IL3RA: variants seen among roughly 807,000 people sequenced by gnomAD.
IL3RA encodes the protein interleukin 3 receptor subunit alpha, also known as interleukin-3 receptor subunit alpha.
IL3RA carries 73 observed loss-of-function variants against 52.3 expected under a neutral mutation model. The observed-to-expected ratio is 1.40, with a 90% CI of 1.16 to 1.70. The LOEUF is 1.70. Ranked by LOEUF, IL3RA falls within the 40% of genes most tolerant of loss-of-function variation. The pLI, the probability that IL3RA is intolerant of heterozygous loss-of-function variation, is 0.00. For missense variants in IL3RA, 664 were observed against 504.4 expected, an observed-to-expected ratio of 1.32 and a Z score of -3.03; for synonymous variants, 260 against 194.0, an observed-to-expected ratio of 1.34 and a Z score of -2.83.
chrX:1,352,414 G>T lies in IL3RA; in HGVS notation c.524G>T (p.Ser175Ile). 1 of 1,613,866 alleles carries T rather than the reference G, an allele frequency of 6.2e-7. No homozygotes were observed. The highest frequency in any genetic ancestry group is 8.5e-7 in the Non-Finnish European group (1 of 1,179,854). The change falls in exon 6 of 12, where the codon AGC (serine) becomes ATC (isoleucine). Residue 175 changes from serine (S) to isoleucine (I), a missense_variant. Physicochemically the swap from Ser to Ile is moderately radical, Grantham distance 142. Coordinates refer to ENST00000331035, the MANE Select transcript of IL3RA (RefSeq NM_002183.4). ...TTCGATGACATCTCTCGACTCTCCA[G>T]CGGTTCTCAAAGTTCCCACATCCTG... is the stretch of plus-strand genomic sequence containing the variant. ...CRFDDISRLS[S>I]GSQSSHILVR...
chrX:1,347,649 C>G (rs1157862866), intron 3 of IL3RA, among the ~76,000 whole-genome samples: 2 of 151,536 alleles, frequency 1.3e-5, no homozygotes, highest in East Asian at 1.9e-4. Context: ...AAAAAACAAA[C>G]AAACAAGAAA....
chrX:1,368,579 T>C (rs2088364207), intron 9 of IL3RA, among the ~76,000 whole-genome samples: 1 of 151,814 alleles, frequency 6.6e-6, no homozygotes, highest in Non-Finnish European at 1.5e-5. Context: ...GTGTTTGGAG[T>C]TGGGGTGTTT....
At chrX:1,349,222 A>C (rs1210425910) in intron 4 of IL3RA, among the ~76,000 whole-genome samples, 10 of 145,968 alleles carry the variant, frequency 6.9e-5, no homozygotes, top group African/African-American at 1.5e-4. Context: ...CACTCTGTCC[A>C]CCAGGCTGGA....
At chrX:1,364,384 G>A (rs1178605824) in intron 8 of IL3RA, among the ~76,000 whole-genome samples, 3 of 151,920 alleles carry the variant, frequency 2.0e-5, no homozygotes, top group Non-Finnish European at 2.9e-5. Context: ...CCAGCTACTC[G>A]GGAGGCTGAG....
In IL3RA at chrX:1,348,684, T is replaced by TTCTTTC. The variant is rs1556619144; in HGVS notation, c.298+141_298+146dup. On this transcript the variant is annotated intron_variant, in intron 4 of 11. Coordinates refer to ENST00000331035, the MANE Select transcript of IL3RA (RefSeq NM_002183.4). ...TTTCTTTCTTTCTTTCTTTCTTTCT[T>TTCTTTC]TCTTTCTTTTTCTTTCTTTCTGTTT... 1,956 of 272,608 alleles carry TTCTTTC rather than the reference T, an allele frequency of 7.2e-3. 111 individuals carry two copies. The highest frequency in any genetic ancestry group is 9.5e-3 in the Non-Finnish European group (1,382 of 145,384). The allele number at this position is 272,608 out of a possible 1,614,324, so 16.9% of individuals were successfully genotyped here.
At chrX:1,349,548 G>C (rs1256172212) in intron 4 of IL3RA, among the ~76,000 whole-genome samples, 1 of 152,160 alleles carries the variant, frequency 6.6e-6, no homozygotes, top group African/African-American at 2.4e-5. Context: ...CTAGGCTCAA[G>C]TGATCCTCCC....
At chrX:1,378,182 CAAAAAAAAA>C (rs370693489) in intron 9 of IL3RA, among the ~76,000 whole-genome samples, 1 of 86,306 alleles carries the variant, frequency 1.2e-5, no homozygotes, top group Non-Finnish European at 2.5e-5. Context: ...GACTCCATCT[CAAAAAAAAA>C]AAAAAAAGAA....
intron 9 of IL3RA, among the ~76,000 whole-genome samples, chrX:1,370,818 A>G (rs1419313480): frequency 2.5e-5 from 2 of 80,036 alleles, no homozygotes; most frequent in Non-Finnish European, 4.6e-5. Flanking sequence ...CAGGGAGAAG[A>G]CGGCATCTCC....
intron 1 of IL3RA, among the ~76,000 whole-genome samples, 198 bp from the exon 2 acceptor site, chrX:1,341,527 TGTA>T (rs1476265495): frequency 1.7e-5 from 2 of 117,442 alleles, no homozygotes; most frequent in African/African-American, 3.0e-5. Flanking sequence ...CGTGCACACA[TGTA>T]GAAGCACACT....
chrX:1,368,479 G>A lies in IL3RA; in HGVS notation c.874+3227G>A, dbSNP rs192142132. On this transcript the variant is annotated intron_variant, in intron 9 of 11. Coordinates refer to ENST00000331035, the MANE Select transcript of IL3RA (RefSeq NM_002183.4). ...CTTAAGCCTGTAACCTCAGCTACCA[G>A]GGAGGCTGAGGCAGGAGAATCGCTT... Among the ~76,000 whole-genome samples the A allele has an allele frequency of 3.3e-5, 5 of 152,224 alleles. No homozygotes were observed. In the East Asian group the frequency reaches 7.7e-4, roughly 24 times the overall value.
chrX:1,341,503 CACACACGAATAT>C (rs1420046348), intron 1 of IL3RA, among the ~76,000 whole-genome samples: 1 of 151,812 alleles, frequency 6.6e-6, no homozygotes, highest in East Asian at 1.9e-4. Flanking sequence ...CCCATGTACA[CACACACGAATAT>C]TCGTGCACAC....
chrX:1,351,895 G>T (rs1311457959), intron 4 of IL3RA, among the ~76,000 whole-genome samples: 3 of 152,222 alleles, frequency 2.0e-5, no homozygotes, highest in Admixed American at 6.5e-5. Context: ...CTCCCAAAGT[G>T]CTGGGATCAC....
chrX:1,364,836 TCTCA>T (rs1459594556), intron 8 of IL3RA, among the ~76,000 whole-genome samples: 1 of 151,150 alleles, frequency 6.6e-6, no homozygotes, highest in Non-Finnish European at 1.5e-5. Context: ...AGAGACAGAG[TCTCA>T]CTCTGTTGCC....
chrX:1,380,611 G>T (rs1185544904), intron 10 of IL3RA, among the ~76,000 whole-genome samples: 4 of 24,818 alleles, frequency 1.6e-4, no homozygotes, highest in Non-Finnish European at 2.1e-4. Context: ...GAGAGGGGAG[G>T]ATGAGTGGGG....
Position 1,345,315 on chromosome X carries a change from G to A in IL3RA, c.65-1G>A. On this transcript the variant is annotated splice_acceptor_variant, in intron 2 of 11. Transcript: ENST00000331035. LOFTEE classifies it high-confidence loss of function. ...CGAACTCCAACCTGTCACCGTTTTA[G>A]ATCCAAACCCACCAATCACGAACCT... 2 of 1,605,808 alleles carry A rather than the reference G, an allele frequency of 1.2e-6. No individual in the cohort carries two copies. Among genetic ancestry groups the A allele is most frequent in the Non-Finnish European group, 1.7e-6 (2 of 1,174,920 alleles).
chrX:1,341,684 T>C, intron 1 of IL3RA, 44 bp from the exon 2 acceptor site: 2 of 1,529,056 alleles, frequency 1.3e-6, no homozygotes, highest in South Asian at 2.2e-5. Flanking sequence ...CGCAACCCAG[T>C]TTCACAGCCA....
intron 7 of IL3RA, among the ~76,000 whole-genome samples, chrX:1,357,556 G>C (rs1287551637): frequency 6.7e-6 from 1 of 150,340 alleles, no homozygotes; most frequent in African/African-American, 2.4e-5. Flanking sequence ...TAGAGATGGG[G>C]TTTCACCATC....
chrX:1,345,240 A>G, intron 2 of IL3RA, 76 bp from the exon 3 acceptor site: 1 of 942,684 alleles, frequency 1.1e-6, no homozygotes, highest in South Asian at 1.8e-5. Context: ...GGGCAAAAAA[A>G]AAAAACCATA....
intron 11 of IL3RA, among the ~76,000 whole-genome samples, 154 bp from the exon 12 acceptor site, chrX:1,382,237 C>A (rs1190457065): frequency 6.6e-6 from 1 of 152,198 alleles, no homozygotes; most frequent in African/African-American, 2.4e-5. Context: ...GTGTGACCCA[C>A]CGCGCCTGGC....
Sources: gnomAD v4.1 joint callset for allele counts (sites outside exome capture counted in the v4.1 genomes callset) on GRCh38, gnomAD v4.1.1 for gene constraint, MANE v1.5 for transcripts, NCBI Gene and HGNC (gene_info 2026-07-23, HGNC 2026-07-21) for gene names.